Variants in HIPK3 observed in about 807,000 individuals in gnomAD.
The protein encoded by HIPK3 is homeodomain-interacting protein kinase 3.
Under a neutral mutation model 124.2 loss-of-function variants are expected in HIPK3, and 47 were observed. That is an observed-to-expected ratio of 0.38 (90% CI 0.30 to 0.48). HIPK3 has a LOEUF of 0.48. Ranked by LOEUF, HIPK3 falls within the 20% of genes least tolerant of loss-of-function variation. The pLI, the probability that HIPK3 is intolerant of heterozygous loss-of-function variation, is 0.98. For synonymous variants in HIPK3, 482 were observed against 515.2 expected, an observed-to-expected ratio of 0.94 and a Z score of 0.87; for missense variants, 1,286 against 1,454.3, an observed-to-expected ratio of 0.88 and a Z score of 1.88.
At chr11:33,339,263 ATTTT>A in intron 5 of HIPK3, 83 bp from the exon 6 acceptor site, 1 of 962,220 alleles carries the variant, frequency 1.0e-6, no homozygotes, top group Non-Finnish European at 1.6e-6. Flanking sequence ...CTGTGTTGTG[ATTTT>A]TGTTTTATTT....
intron 2 of HIPK3, among the ~76,000 whole-genome samples, chr11:33,294,912 A>T (rs1851797637): frequency 6.6e-6 from 1 of 152,090 alleles, no homozygotes; most frequent in Non-Finnish European, 1.5e-5. Flanking sequence ...TGTTTACATT[A>T]TTTGCCCTGT....
At chr11:33,347,565 G>T (rs1853533243) in intron 9 of HIPK3, 64 bp from the exon 10 acceptor site, 2 of 1,585,310 alleles carry the variant, frequency 1.3e-6, no homozygotes, top group Non-Finnish European at 1.7e-6. Context: ...TTGAGTTTAA[G>T]ATATGGTAAA....
intron 8 of HIPK3, among the ~76,000 whole-genome samples, chr11:33,343,931 C>G (rs905790466): frequency 2.0e-5 from 3 of 152,066 alleles, no homozygotes; most frequent in African/African-American, 7.2e-5. Flanking sequence ...TTATTACTTT[C>G]TGGTAATAAA....
chr11:33,301,700 A>G (rs1852003866), intron 2 of HIPK3, among the ~76,000 whole-genome samples: 2 of 151,058 alleles, frequency 1.3e-5, no homozygotes, highest in African/African-American at 4.9e-5. Context: ...GTGAGGATCT[A>G]CCTGTCAGCT....
chr11:33,295,497 A>C (rs1337271222), intron 2 of HIPK3, among the ~76,000 whole-genome samples: 2 of 152,250 alleles, frequency 1.3e-5, no homozygotes, highest in Non-Finnish European at 2.9e-5. Flanking sequence ...TTGCGTCGTT[A>C]TGAAACCTTC....
chr11:33,298,417 T>C (rs1851900668), intron 2 of HIPK3, among the ~76,000 whole-genome samples: 1 of 152,244 alleles, frequency 6.6e-6, no homozygotes, highest in African/African-American at 2.4e-5. Flanking sequence ...ATTGTTTTCA[T>C]GTTTGCTAAC....
chr11:33,308,613 G>GCT (rs1554965208), intron 2 of HIPK3, among the ~76,000 whole-genome samples: 2 of 147,374 alleles, frequency 1.4e-5, no homozygotes, highest in African/African-American at 2.5e-5. Context: ...TGTGCCTAGG[G>GCT]GTGTGTGTGT....
chr11:33,287,131 A>G lies in HIPK3; in HGVS notation c.717A>G (p.Gln239=), dbSNP rs754653543. 9 of 1,614,212 alleles carry G rather than the reference A, an allele frequency of 5.6e-6. No homozygotes were observed. Among genetic ancestry groups the G allele is most frequent in the East Asian group, 2.2e-5 (1 of 44,892 alleles). ...ATCCTTCTTATGCCCGTCAAGGTCA[A>G]ATAGAAGTGAGCATATTAGCAAGGC... ...KNHPSYARQG[Q]IEVSILARLS... is the part of the protein sequence containing the mutation. The change falls in exon 2 of 17, where the codon CAA becomes CAG. Residue 239 remains glutamine, a synonymous_variant. Coordinates refer to ENST00000303296, the MANE Select transcript of HIPK3 (RefSeq NM_005734.5).
At position 33,347,946 on chromosome 11, in the gene HIPK3, G is replaced by A. The variant is rs761251698; in HGVS notation, c.2239G>A (p.Val747Met). The change falls in exon 11 of 17, where the codon GTG becomes ATG. Residue 747 changes from valine to methionine, a missense_variant. This residue lies in a region of HIPK3 where 810 missense variants were observed against 864.9 expected (regional missense o/e 0.94). Transcript: ENST00000303296. ...TTTATCTGCCCCTCAGCCAGTTAGT[G>A]TGGGGATTGCACATGTTGTCTGGCC... ...ITLSAPQPVS[V>M]GIAHVVWPQP... 7 of 1,614,190 alleles carry A rather than the reference G, an allele frequency of 4.3e-6. No homozygotes were observed. The Admixed American group carries it at 8.3e-5, about 19-fold the overall frequency.
intron 2 of HIPK3, among the ~76,000 whole-genome samples, chr11:33,292,536 A>C (rs1851725211): frequency 1.3e-5 from 2 of 152,104 alleles, no homozygotes; most frequent in Admixed American, 6.6e-5. Flanking sequence ...AGCACAGCAG[A>C]GAAGGAGCCA....
At chr11:33,272,409 A>T (rs929396681) in intron 1 of HIPK3, among the ~76,000 whole-genome samples, 5 of 151,830 alleles carry the variant, frequency 3.3e-5, no homozygotes, top group East Asian at 1.9e-4. Flanking sequence ...CAAAAAAAAA[A>T]AATAATAATA....
chr11:33,315,767 C>T (rs1023023663), intron 2 of HIPK3, among the ~76,000 whole-genome samples: 1 of 152,186 alleles, frequency 6.6e-6, no homozygotes, highest in African/African-American at 2.4e-5. Context: ...ATATTTGTGG[C>T]ATATTGGTAA....
chr11:33,267,166 A>G (rs1054761189), intron 1 of HIPK3, among the ~76,000 whole-genome samples: 14 of 150,308 alleles, frequency 9.3e-5, no homozygotes, highest in Non-Finnish European at 1.9e-4. Context: ...TCTGTCCCCC[A>G]GGCTAGAGTG....
chr11:33,307,301 T>C (rs910434160), intron 2 of HIPK3, among the ~76,000 whole-genome samples: 1 of 152,064 alleles, frequency 6.6e-6, no homozygotes, highest in Non-Finnish European at 1.5e-5. Flanking sequence ...TGTGTACGAA[T>C]AGTATGTAAA....
At chr11:33,319,931 C>G (rs1021288553) in intron 2 of HIPK3, among the ~76,000 whole-genome samples, 1 of 152,134 alleles carries the variant, frequency 6.6e-6, no homozygotes, top group Non-Finnish European at 1.5e-5. Context: ...AGGGTTTACT[C>G]TTCTATTTAA....
intron 1 of HIPK3, among the ~76,000 whole-genome samples, chr11:33,271,120 A>G (rs984751053): frequency 7.2e-5 from 11 of 152,218 alleles, no homozygotes; most frequent in Admixed American, 1.3e-4. Context: ...GGTAATTTTT[A>G]TTCACTCAAA....
intron 1 of HIPK3, among the ~76,000 whole-genome samples, chr11:33,262,871 A>G (rs532871743): frequency 7.6e-4 from 116 of 151,812 alleles, no homozygotes; most frequent in Middle Eastern, 3.4e-3. Context: ...GGGCTGGAGT[A>G]TAGTGGTATG....
intron 10 of HIPK3, 22 bp from the exon 11 acceptor site, chr11:33,347,830 A>C (rs368555140): frequency 6.2e-7 from 1 of 1,613,676 alleles, no homozygotes; most frequent in African/African-American, 1.3e-5. Flanking sequence ...GATTAAAAAC[A>C]TTGTTCTGAA....
intron 1 of HIPK3, 43 bp downstream of exon 1, chr11:33,257,932 G>T: frequency 1.0e-6 from 1 of 985,500 alleles, no homozygotes. Context: ...CGGGGTGGGG[G>T]GATCGGCTCC....
Sources: allele counts gnomAD v4.1 joint callset (sites outside exome capture counted in the v4.1 genomes callset), GRCh38; gene constraint gnomAD v4.1.1; regional missense constraint gnomAD v4.1.1; transcripts MANE v1.5; gene names NCBI Gene and HGNC (gene_info 2026-07-23, HGNC 2026-07-21).